Variants in DHRSX observed in about 807,000 individuals in gnomAD.
The protein encoded by DHRSX is dehydrogenase/reductase X-linked.
In DHRSX, 31 loss-of-function variants were observed where a neutral mutation model predicts 34.0. The ratio of observed to expected loss-of-function variants is 0.91; its 90% CI spans 0.69 to 1.23. The LOEUF (loss-of-function observed/expected upper bound fraction) is 1.23, where lower values mean the gene tolerates loss of function less well. Among genes scored for constraint, DHRSX ranks in the 50% most tolerant of loss-of-function variants. The pLI is 0.00. For missense variants in DHRSX, 414 were observed against 428.1 expected (o/e 0.97, Z 0.29); for synonymous variants, 201 against 183.8 (o/e 1.09, Z -0.76).
At chrX:2,422,268 A>G (rs2043789938) in intron 2 of DHRSX, among the ~76,000 whole-genome samples, 1 of 151,958 alleles carries the variant, frequency 6.6e-6, no homozygotes, top group Non-Finnish European at 1.5e-5. Flanking sequence ...TTGGTTTTGG[A>G]AAGTCTTTTT....
chrX:2,480,641 G>A (rs1472252221), intron 1 of DHRSX, among the ~76,000 whole-genome samples: 7 of 151,758 alleles, frequency 4.6e-5, no homozygotes, highest in African/African-American at 1.7e-4. Flanking sequence ...AACATAGCAA[G>A]ACCCCATCTC....
At chrX:2,417,178 T>G (rs2043705456) in intron 2 of DHRSX, among the ~76,000 whole-genome samples, 1 of 152,204 alleles carries the variant, frequency 6.6e-6, no homozygotes, top group African/African-American at 2.4e-5. Flanking sequence ...TTTCTGTTTA[T>G]CTCAAGAAAA....
intron 1 of DHRSX, among the ~76,000 whole-genome samples, chrX:2,437,112 C>T (rs2044001277): frequency 6.6e-6 from 1 of 152,118 alleles, no homozygotes; most frequent in South Asian, 2.1e-4. Flanking sequence ...ATTCTCTTGC[C>T]TCAGCCTCCC....
intron 1 of DHRSX, among the ~76,000 whole-genome samples, chrX:2,497,279 G>A (rs1218954659): frequency 6.6e-6 from 1 of 152,160 alleles, no homozygotes; most frequent in Non-Finnish European, 1.5e-5. Context: ...TGTAATCCCA[G>A]CTACTCGGGA....
chrX:2,350,319 G>C (rs2042774859), intron 3 of DHRSX, among the ~76,000 whole-genome samples: 3 of 152,084 alleles, frequency 2.0e-5, no homozygotes, highest in Admixed American at 1.3e-4. Context: ...CCACTGCACT[G>C]CAGCCTGGGT....
intron 1 of DHRSX, among the ~76,000 whole-genome samples, chrX:2,431,300 G>A (rs1464089316): frequency 6.7e-6 from 1 of 150,226 alleles, no homozygotes; most frequent in East Asian, 2.0e-4. Context: ...ACTCCAGCCT[G>A]GGCGACAGAG....
At chrX:2,442,438 T>C (rs941897214) in intron 1 of DHRSX, among the ~76,000 whole-genome samples, 1 of 151,440 alleles carries the variant, frequency 6.6e-6, no homozygotes, top group African/African-American at 2.4e-5. Flanking sequence ...TATAATTACA[T>C]TGTATAATAT....
At chrX:2,473,354 G>C (rs2044623322) in intron 1 of DHRSX, among the ~76,000 whole-genome samples, 1 of 152,134 alleles carries the variant, frequency 6.6e-6, no homozygotes. Flanking sequence ...CCAGGCGCGG[G>C]GGCTCACGCC....
chrX:2,451,752 CACAG>C (rs2044221134), intron 1 of DHRSX, among the ~76,000 whole-genome samples: 1 of 152,174 alleles, frequency 6.6e-6, no homozygotes, highest in Admixed American at 6.5e-5. Context: ...GTGAAAAGGA[CACAG>C]ACAGACACTG....
At chrX:2,499,110 C>T (rs571084937) in intron 1 of DHRSX, among the ~76,000 whole-genome samples, 12 of 152,074 alleles carry the variant, frequency 7.9e-5, no homozygotes, top group African/African-American at 2.9e-4. Flanking sequence ...CAAAGGGTGG[C>T]GCTGGGACCC....
At chrX:2,411,426 G>C (rs1292266575) in intron 2 of DHRSX, among the ~76,000 whole-genome samples, 1 of 151,920 alleles carries the variant, frequency 6.6e-6, no homozygotes, top group South Asian at 2.1e-4. Context: ...ATGTGTGCCT[G>C]TAATCCCAGC....
chrX:2,426,969 T>G lies in DHRSX; in HGVS notation c.110-1665A>C, dbSNP rs1188169136. 3.1e-4 allele frequency among the ~76,000 whole-genome samples: 47 copies of G among 152,218 alleles called. 1 individual carries two copies. Among genetic ancestry groups the G allele is most frequent in the Admixed American group, 3.1e-3 (47 of 15,272 alleles). On this transcript the variant is annotated intron_variant, in intron 1 of 6. Coordinates refer to ENST00000334651, the MANE Select transcript of DHRSX (RefSeq NM_145177.3). ...TACAGGGAAATGAATTAGACAAAGA[T>G]AAACATGTTGTCTGCCTCAAGGACA...
At chrX:2,285,245 T>C (rs934516933) in intron 4 of DHRSX, among the ~76,000 whole-genome samples, 4 of 152,202 alleles carry the variant, frequency 2.6e-5, no homozygotes, top group South Asian at 2.1e-4. Context: ...GTCGCCATCA[T>C]ATAGAATCAG....
At chrX:2,361,048 G>A (rs775117140) in intron 3 of DHRSX, among the ~76,000 whole-genome samples, 2 of 152,270 alleles carry the variant, frequency 1.3e-5, no homozygotes, top group African/African-American at 4.8e-5. Flanking sequence ...TGGCTGGCTG[G>A]AGCGTTGGCT....
At chrX:2,276,787 A>G (rs765465107) in intron 4 of DHRSX, among the ~76,000 whole-genome samples, 218 of 145,062 alleles carry the variant, frequency 1.5e-3, no homozygotes, top group African/African-American at 5.3e-3. Context: ...AGAGAAGGAG[A>G]GGGAGGAAAT....
At chrX:2,470,946 TTAA>T (rs1397109285) in intron 1 of DHRSX, among the ~76,000 whole-genome samples, 4 of 152,380 alleles carry the variant, frequency 2.6e-5, no homozygotes, top group Admixed American at 6.5e-5. Flanking sequence ...AGCTTCAATG[TTAA>T]TATGTTAATT....
intron 1 of DHRSX, among the ~76,000 whole-genome samples, chrX:2,465,063 T>C (rs1433191471): frequency 6.6e-6 from 1 of 151,238 alleles, no homozygotes; most frequent in African/African-American, 2.4e-5. Context: ...CCTAGGCATA[T>C]GGCCAAGGGA....
At chrX:2,399,796 T>C (rs975568081) in intron 3 of DHRSX, among the ~76,000 whole-genome samples, 1 of 149,448 alleles carries the variant, frequency 6.7e-6, no homozygotes, top group African/African-American at 2.5e-5. Context: ...CCCAGCACTT[T>C]GGAAGGTGGG....
intron 3 of DHRSX, among the ~76,000 whole-genome samples, chrX:2,295,683 C>T (rs2041923465): frequency 1.3e-5 from 2 of 152,136 alleles, no homozygotes; most frequent in African/African-American, 4.8e-5. Context: ...TGTTAGGACA[C>T]GCTGCTGAGT....
Sources: allele counts gnomAD v4.1 joint callset (sites outside exome capture counted in the v4.1 genomes callset), GRCh38; gene constraint gnomAD v4.1.1; transcripts MANE v1.5; gene names NCBI Gene and HGNC (gene_info 2026-07-23, HGNC 2026-07-21).